SIPA1L1: variants seen among roughly 807,000 people sequenced by gnomAD.
The protein encoded by SIPA1L1 is signal-induced proliferation-associated 1-like protein 1.
In SIPA1L1, 26 loss-of-function variants were observed where a neutral mutation model predicts 162.7. That is an observed-to-expected ratio of 0.16 (90% CI 0.12 to 0.22). SIPA1L1 has a LOEUF of 0.22. Ranked by LOEUF, SIPA1L1 falls within the 10% of genes least tolerant of loss-of-function variation. The pLI is 1.00. For missense variants in SIPA1L1, 1,874 were observed against 2,241.0 expected, an observed-to-expected ratio of 0.84 and a Z score of 3.31; for synonymous variants, 829 against 837.4, an observed-to-expected ratio of 0.99 and a Z score of 0.17.
intron 5 of SIPA1L1, among the ~76,000 whole-genome samples, chr14:71,607,880 A>G (rs2037716379): frequency 6.6e-6 from 1 of 152,108 alleles, no homozygotes; most frequent in Non-Finnish European, 1.5e-5. Flanking sequence ...TTTGTTTGGC[A>G]TTCTCGAAAC....
chr14:71,324,598 T>A (rs1044394999), intron 2 of SIPA1L1, among the ~76,000 whole-genome samples: 5 of 152,232 alleles, frequency 3.3e-5, no homozygotes, highest in African/African-American at 9.6e-5. Context: ...AAAGAAAATA[T>A]GAGTTAAAGT....
At chr14:71,649,429 T>C (rs1025591121) in intron 7 of SIPA1L1, among the ~76,000 whole-genome samples, 2 of 152,172 alleles carry the variant, frequency 1.3e-5, no homozygotes, top group African/African-American at 2.4e-5. Context: ...TAGGTTCAAG[T>C]GATCTGCCCC....
intron 2 of SIPA1L1, among the ~76,000 whole-genome samples, chr14:71,465,123 GA>G (rs1249961734): frequency 6.6e-6 from 1 of 152,206 alleles, no homozygotes; most frequent in Non-Finnish European, 1.5e-5. Flanking sequence ...AGCTTCCTCA[GA>G]GTTCACAAAC....
chr14:71,349,270 C>G (rs2036465799), intron 2 of SIPA1L1, among the ~76,000 whole-genome samples: 1 of 152,194 alleles, frequency 6.6e-6, no homozygotes, highest in African/African-American at 2.4e-5. Context: ...TTCTCAGCCT[C>G]TCTGTGTTGA....
intron 7 of SIPA1L1, among the ~76,000 whole-genome samples, chr14:71,625,624 A>G (rs150858121): frequency 1.4e-3 from 210 of 152,370 alleles, no homozygotes; most frequent in Non-Finnish European, 2.5e-3. Context: ...GACTACTGAC[A>G]TATAAACGTA....
chr14:71,355,758 GC>G, intron 2 of SIPA1L1, among the ~76,000 whole-genome samples: 1 of 152,210 alleles, frequency 6.6e-6, no homozygotes, highest in East Asian at 1.9e-4. Flanking sequence ...GTGAATATAA[GC>G]CCTGGCTTGA....
At chr14:71,542,580 CCTT>C (rs893033417) in intron 4 of SIPA1L1, among the ~76,000 whole-genome samples, 291 of 138,752 alleles carry the variant, frequency 2.1e-3, no homozygotes, top group Admixed American at 2.7e-3. Flanking sequence ...TCTTCCTCCT[CCTT>C]CTTCTTCCTC....
In SIPA1L1 at chr14:71,330,321, G is replaced by C; in HGVS notation, c.-465+9140G>C. 5.1e-6 allele frequency: 4 copies of C among 784,806 alleles called. No homozygotes were observed. In the South Asian group the frequency reaches 5.4e-5, roughly 11 times the overall value. The allele number at this position is 784,806 out of a possible 1,614,324, so 48.6% of individuals were successfully genotyped here. On this transcript the variant is annotated intron_variant, in intron 2 of 23. Coordinates refer to ENST00000381232, the MANE Select transcript of SIPA1L1 (RefSeq NM_001386936.1). ...TGTGGGAGAGTCCACATGAAGGGCT[G>C]TGGGCTGTAACTCTCTAGTGCACAG...
At chr14:71,495,924 G>GA (rs1396954370) in intron 2 of SIPA1L1, among the ~76,000 whole-genome samples, 3 of 121,506 alleles carry the variant, frequency 2.5e-5, no homozygotes, top group African/African-American at 6.2e-5. Flanking sequence ...GAAGAAGAAA[G>GA]AAAAAAAGAA....
chr14:71,515,527 T>A (rs1405496069), intron 3 of SIPA1L1, among the ~76,000 whole-genome samples: 3 of 152,226 alleles, frequency 2.0e-5, no homozygotes, highest in Non-Finnish European at 4.4e-5. Context: ...TAGAGCTGAA[T>A]CAGCTAGAAC....
intron 12 of SIPA1L1, among the ~76,000 whole-genome samples, chr14:71,680,363 G>A (rs192202414): frequency 7.2e-5 from 11 of 152,328 alleles, no homozygotes; most frequent in Admixed American, 6.5e-4. Flanking sequence ...AAATTAAAAT[G>A]TTCTTTGAAA....
intron 20 of SIPA1L1, 91 bp downstream of exon 20, chr14:71,730,392 G>A (rs1010424085): frequency 2.1e-6 from 3 of 1,440,336 alleles, no homozygotes; most frequent in Non-Finnish European, 2.9e-6. Flanking sequence ...TCAGAGAGGG[G>A]TCCTGTATCC....
At chr14:71,635,565 G>GAT (rs1240758420) in intron 7 of SIPA1L1, among the ~76,000 whole-genome samples, 1 of 152,066 alleles carries the variant, frequency 6.6e-6, no homozygotes, top group East Asian at 1.9e-4. Context: ...CATAGATAAA[G>GAT]ATATATATAG....
rs573213486 is a variant in SIPA1L1, at chr14:71,542,280, CTCTCCTCTTCCTCT to C, written c.-303+12924_-303+12937del. Among the ~76,000 whole-genome samples, 366 of 148,864 alleles carry C rather than the reference CTCTCCTCTTCCTCT, an allele frequency of 2.5e-3. 3 individuals carry two copies. The highest frequency in any genetic ancestry group is 5.6e-3 in the South Asian group (26 of 4,602). The stretch of plus-strand genomic sequence containing the variant: ...CCTCTTCTTCTTCTTCTTCCTCTTC[CTCTCCTCTTCCTCT>C]TCTCCTCTTCCTCCTCCTCCTCTTC... On this transcript the variant is annotated intron_variant, in intron 4 of 23. Transcript: ENST00000381232.
chr14:71,573,171 G>A (rs1209141391), intron 4 of SIPA1L1, among the ~76,000 whole-genome samples: 3 of 152,224 alleles, frequency 2.0e-5, no homozygotes, highest in African/African-American at 7.2e-5. Context: ...TTATATGCCT[G>A]TGGTACTATT....
chr14:71,556,379 C>T (rs1007422583), intron 4 of SIPA1L1, among the ~76,000 whole-genome samples: 2 of 152,162 alleles, frequency 1.3e-5, no homozygotes, highest in African/African-American at 2.4e-5. Context: ...GTTCTCAATT[C>T]AGTTCCAACA....
intron 4 of SIPA1L1, among the ~76,000 whole-genome samples, chr14:71,544,064 T>C (rs1335711998): frequency 2.0e-5 from 3 of 151,382 alleles, no homozygotes; most frequent in Non-Finnish European, 4.4e-5. Context: ...TGTATGTATA[T>C]ACACACGCAC....
intron 7 of SIPA1L1, among the ~76,000 whole-genome samples, chr14:71,635,198 G>C (rs919213224): frequency 3.2e-4 from 49 of 151,948 alleles, no homozygotes; most frequent in African/African-American, 1.2e-3. Flanking sequence ...ATAATCACTT[G>C]AACCCAGGAG....
chr14:71,394,108 C>T (rs951824558), intron 2 of SIPA1L1, among the ~76,000 whole-genome samples: 14 of 152,274 alleles, frequency 9.2e-5, no homozygotes, highest in East Asian at 7.7e-4. Context: ...CCAGCAAGGG[C>T]GGAGGAAGGT....
Sources: gnomAD v4.1 joint callset for allele counts (sites outside exome capture counted in the v4.1 genomes callset) on GRCh38, gnomAD v4.1.1 for gene constraint, MANE v1.5 for transcripts, NCBI Gene and HGNC (gene_info 2026-07-23, HGNC 2026-07-21) for gene names.